DNAAF9: variants seen among roughly 807,000 people sequenced by gnomAD.
DNAAF9 encodes the protein dynein axonemal assembly factor 9, also known as shulin.
In DNAAF9, 90 loss-of-function variants were observed where a neutral mutation model predicts 167.0. The ratio of observed to expected loss-of-function variants is 0.54; its 90% CI spans 0.45 to 0.64. The LOEUF (loss-of-function observed/expected upper bound fraction) is 0.64. DNAAF9 is among the 30% of genes least tolerant of loss of function. The pLI, the probability that DNAAF9 is intolerant of heterozygous loss-of-function variation, is 0.00. For missense variants in DNAAF9, 1,315 were observed against 1,442.2 expected (o/e 0.91, Z 1.43); for synonymous variants, 491 against 508.8 (o/e 0.96, Z 0.47).
chr20:3,381,313 A>G, intron 3 of DNAAF9, 66 bp downstream of exon 3: 1 of 1,291,456 alleles, frequency 7.7e-7, no homozygotes, highest in East Asian at 2.5e-5. Context: ...AAGACCATAA[A>G]ATAAGGATCC....
rs1855233848 is a variant in DNAAF9, at chr20:3,373,956, T to G, written c.612+92A>C. On this transcript the variant is annotated intron_variant, in intron 6 of 36. Transcript: ENST00000252032. ...GCCCTTGTGAGGTAACTGCCAGCTT[T>G]TTGGTGTTATAATAATGCACACTCA... The G allele has an allele frequency of 5.2e-6, 4 of 765,218 alleles. No homozygotes were observed. In the Admixed American group the frequency reaches 8.5e-5, roughly 16 times the overall value. 47.4% of individuals were successfully genotyped at this position (765,218 alleles called of 1,614,324 possible).
intron 6 of DNAAF9, among the ~76,000 whole-genome samples, chr20:3,360,980 G>A (rs1292109709): frequency 6.6e-6 from 1 of 152,242 alleles, no homozygotes; most frequent in East Asian, 1.9e-4. Flanking sequence ...CAACGCATCA[G>A]CCAATGACAG....
At chr20:3,359,634 A>G in intron 6 of DNAAF9, 41 bp from the exon 7 acceptor site, 1 of 1,327,748 alleles carries the variant, frequency 7.5e-7, no homozygotes, top group Non-Finnish European at 1.1e-6. Context: ...TTAAGTCAAT[A>G]TCATTAGGAC....
intron 16 of DNAAF9, among the ~76,000 whole-genome samples, chr20:3,319,463 A>G (rs1478381477): frequency 2.6e-5 from 4 of 152,246 alleles, no homozygotes; most frequent in African/African-American, 9.6e-5. Context: ...CCAGCAGAAG[A>G]AAGAGAAAAT....
chr20:3,373,261 G>A (rs1169272178), intron 6 of DNAAF9, among the ~76,000 whole-genome samples: 2 of 152,124 alleles, frequency 1.3e-5, no homozygotes, highest in Non-Finnish European at 2.9e-5. Flanking sequence ...TGCTTCTAAG[G>A]GACCCACTTA....
chr20:3,260,583 G>A (rs1480031136), intron 31 of DNAAF9, among the ~76,000 whole-genome samples: 1 of 144,920 alleles, frequency 6.9e-6, no homozygotes, highest in Non-Finnish European at 1.5e-5. Context: ...GAGTTTGGGG[G>A]TCCTTCCTGG....
intron 33 of DNAAF9, among the ~76,000 whole-genome samples, chr20:3,258,546 G>A (rs1467442092): frequency 6.6e-6 from 1 of 152,128 alleles, no homozygotes; most frequent in African/African-American, 2.4e-5. Context: ...GCGCTGCACT[G>A]ACAAAGGCAC....
intron 7 of DNAAF9, among the ~76,000 whole-genome samples, chr20:3,349,280 G>A (rs553808000): frequency 7.9e-5 from 12 of 151,644 alleles, no homozygotes; most frequent in South Asian, 2.1e-4. Flanking sequence ...TACTCAGGAG[G>A]CTGAGGCGGG....
At chr20:3,352,250 A>T (rs1376203449) in intron 7 of DNAAF9, among the ~76,000 whole-genome samples, 2 of 152,152 alleles carry the variant, frequency 1.3e-5, no homozygotes, top group African/African-American at 2.4e-5. Context: ...CCTGGGTTAG[A>T]ATGCTTTGCC....
At chr20:3,407,388 C>G (rs975255454) in intron 1 of DNAAF9, 87 bp downstream of exon 1, 20 of 1,098,068 alleles carry the variant, frequency 1.8e-5, no homozygotes, top group Non-Finnish European at 2.1e-5. Context: ...CCATGTCGGA[C>G]CACGCCCTGC....
At chr20:3,259,396 GA>G in intron 33 of DNAAF9, 83 bp downstream of exon 33, 4 of 914,190 alleles carry the variant, frequency 4.4e-6, no homozygotes. Context: ...GTGGTCTGCA[GA>G]GCACCAGCAG....
chr20:3,406,651 G>A (rs557828017), intron 1 of DNAAF9, among the ~76,000 whole-genome samples: 7 of 151,930 alleles, frequency 4.6e-5, no homozygotes, highest in Admixed American at 4.6e-4. Flanking sequence ...GGCGGGGAAC[G>A]CTCCCCACGA....
At chr20:3,357,332 G>A (rs1044072520) in intron 7 of DNAAF9, among the ~76,000 whole-genome samples, 2 of 152,138 alleles carry the variant, frequency 1.3e-5, no homozygotes. Flanking sequence ...TTAGCCAGGC[G>A]TGGTGGCACG....
chr20:3,348,416 G>A (rs6139088), intron 8 of DNAAF9, 109 bp downstream of exon 8: 103,375 of 551,288 alleles, frequency 0.19, 10,087 homozygotes, highest in African/African-American at 0.24. Context: ...TTAAAGAAAT[G>A]ACAAATTAGA....
chr20:3,330,789 CA>C (rs1448097440), intron 11 of DNAAF9, 107 bp from the exon 12 acceptor site: 6 of 530,588 alleles, frequency 1.1e-5, no homozygotes, highest in South Asian at 2.8e-5. Flanking sequence ...TCAAGAACTA[CA>C]CTTTTTTTTT....
intron 25 of DNAAF9, among the ~76,000 whole-genome samples, chr20:3,291,475 C>G (rs894216837): frequency 1.3e-5 from 2 of 151,898 alleles, no homozygotes; most frequent in Non-Finnish European, 2.9e-5. Flanking sequence ...TCCCGAGTAG[C>G]TGGGACTACA....
intron 1 of DNAAF9, among the ~76,000 whole-genome samples, chr20:3,388,080 A>G (rs2083776449): frequency 6.6e-6 from 1 of 150,610 alleles, no homozygotes; most frequent in Admixed American, 6.6e-5. Flanking sequence ...AAAAAAAAAA[A>G]AAGAAAAGAA....
intron 35 of DNAAF9, 88 bp downstream of exon 35, chr20:3,255,131 C>T: frequency 1.3e-6 from 1 of 770,312 alleles, no homozygotes; most frequent in Non-Finnish European, 2.2e-6. Context: ...ACAAACAGCT[C>T]CTCACTCAGA....
chr20:3,374,864 C>G (rs1820473571), intron 5 of DNAAF9, among the ~76,000 whole-genome samples, 166 bp downstream of exon 5: 1 of 152,170 alleles, frequency 6.6e-6, no homozygotes. Context: ...GTAATTAATA[C>G]AAGCTTGCAC....
Sources: gnomAD v4.1 joint callset for allele counts (sites outside exome capture counted in the v4.1 genomes callset) on GRCh38, gnomAD v4.1.1 for gene constraint, MANE v1.5 for transcripts, NCBI Gene and HGNC (gene_info 2026-07-23, HGNC 2026-07-21) for gene names.